Variants in MAMDC4 observed in about 807,000 individuals in gnomAD.
MAMDC4 encodes the protein MAM domain containing 4.
A neutral mutation model predicts 153.3 loss-of-function variants in MAMDC4; 168 were observed. The ratio of observed to expected loss-of-function variants is 1.10; its 90% CI spans 0.97 to 1.25. The LOEUF is 1.25. Ranked by LOEUF, MAMDC4 falls within the 50% of genes most tolerant of loss-of-function variation. MAMDC4 has a pLI of 0.00. For synonymous variants in MAMDC4, 744 were observed against 651.5 expected (o/e 1.14, Z -2.16); for missense variants, 1,701 against 1,542.8 (o/e 1.10, Z -1.72).
intron 26 of MAMDC4, 52 bp downstream of exon 26, chr9:136,860,116 G>T (rs757654512): frequency 2.7e-6 from 4 of 1,486,372 alleles, no homozygotes; most frequent in African/African-American, 1.4e-5. Context: ...CAGCTGTGAC[G>T]CTGGAGGGCG....
chr9:136,854,079 A>G lies in MAMDC4; in HGVS notation c.670+3A>G, dbSNP rs202108871. The G allele has an allele frequency of 1.0e-3, 1,618 of 1,612,524 alleles. 11 individuals are homozygous for G. Among genetic ancestry groups the G allele is most frequent in the East Asian group, 6.7e-4 (30 of 44,878 alleles). ...GTTCTGGGACTGTGGTCTGCCCAGTAAGGCACCGCCTCTTCCTGTTCCACC... is the reference window on the plus strand; with the variant it reads ...GTTCTGGGACTGTGGTCTGCCCAGTGAGGCACCGCCTCTTCCTGTTCCACC... On this transcript the variant is annotated splice_donor_region_variant and intron_variant, in intron 6 of 26. Coordinates refer to ENST00000317446, the MANE Select transcript of MAMDC4 (RefSeq NM_206920.3).
chr9:136,860,536 A>G (rs778795419), intron 26 of MAMDC4, 26 bp from the exon 27 acceptor site: 244 of 1,605,578 alleles, frequency 1.5e-4, no homozygotes, highest in Non-Finnish European at 2.0e-4. Context: ...AAGAAAGAAA[A>G]AAAAAGCTCC....
intron 14 of MAMDC4, chr9:136,856,420 G>A (rs766429192): frequency 3.8e-5 from 30 of 791,094 alleles, no homozygotes; most frequent in Non-Finnish European, 6.0e-5. Context: ...CCGCTGGAGC[G>A]GGCCCTGACT....
rs746920351 is a variant in MAMDC4, at chr9:136,853,858, G to A, written c.536G>A (p.Gly179Asp). The change falls in exon 5 of 27, where the codon GGC becomes GAC. Residue 179 changes from glycine (G) to aspartate (D), a missense_variant. Coordinates refer to ENST00000317446, the MANE Select transcript of MAMDC4 (RefSeq NM_206920.3). Reference protein sequence around the residue: ...LWQSTGPWGPGWQELAVTTGR... With the variant: ...LWQSTGPWGPDWQELAVTTGR... ...CAGAGCACAGGGCCCTGGGGCCCTGGCTGGCAGGAGTTGGCAGTGACCACA... is the reference window on the plus strand; with the variant it reads ...CAGAGCACAGGGCCCTGGGGCCCTGACTGGCAGGAGTTGGCAGTGACCACA... 1 of 1,612,600 alleles carries A rather than the reference G, an allele frequency of 6.2e-7. No individual in the cohort carries two copies. The highest frequency in any genetic ancestry group is 1.7e-5 in the Admixed American group (1 of 60,000).
Position 136,856,797 on chromosome 9 carries a change from G to A in MAMDC4, c.1808G>A (p.Gly603Asp), listed in dbSNP as rs763688921. The A allele has an allele frequency of 5.0e-6, 8 of 1,611,774 alleles. No homozygotes were observed. The highest frequency in any genetic ancestry group is 1.7e-4 in the Middle Eastern group (1 of 6,056). The change falls in exon 15 of 27, where the codon GGC (glycine) becomes GAC (aspartate). Residue 603 changes from glycine to aspartate, a missense_variant. Gly to Asp is a moderately conservative substitution (Grantham distance 94). Coordinates refer to ENST00000317446, the MANE Select transcript of MAMDC4 (RefSeq NM_206920.3). The part of the protein sequence containing the change: ...DTHWRWVESR[G>D]PDHDHTTGQG... The stretch of plus-strand genomic sequence containing the variant: ...CACTGGCGCTGGGTGGAGAGCCGCG[G>A]CCCTGACCACGACCACACCACAGGC...
chr9:136,860,443 C>T, intron 26 of MAMDC4, 119 bp from the exon 27 acceptor site: 2 of 1,087,290 alleles, frequency 1.8e-6, no homozygotes. Context: ...ATCGCTTGAA[C>T]CAGGGAGGCA....
rs910402051 is a variant in MAMDC4 at position 136,853,601 on chromosome 9, C to G, written c.385C>G (p.Arg129Gly). Residue 129 changes from arginine to glycine, a missense_variant, in exon 4 of 27, where the codon CGC (arginine) becomes GGC (glycine). Coordinates refer to ENST00000317446, the MANE Select transcript of MAMDC4 (RefSeq NM_206920.3). The stretch of plus-strand genomic sequence containing the variant: ...GAAAGAGGCATCCACCGCAGCCCTG[C>G]GCTCGCCAACCCTGCGAGAGGCAGC... ...RGKEASTAAL[R>G]SPTLREAASS... 1 of 1,612,482 alleles carries G rather than the reference C, an allele frequency of 6.2e-7. No individual in the cohort carries two copies. Among genetic ancestry groups the G allele is most frequent in the African/African-American group, 1.3e-5 (1 of 75,022 alleles).
Position 136,855,499 on chromosome 9 carries a change from T to G in MAMDC4, c.1351T>G (p.Ser451Ala). The G allele has an allele frequency of 6.3e-7, 1 of 1,597,184 alleles. No individual in the cohort carries two copies. Among genetic ancestry groups the G allele is most frequent in the Non-Finnish European group, 8.5e-7 (1 of 1,172,430 alleles). The change falls in exon 12 of 27, where the codon TCG (serine) becomes GCG (alanine). Residue 451 changes from serine (S) to alanine (A), a missense_variant. Ser to Ala is a moderately conservative substitution (Grantham distance 99). Transcript: ENST00000317446. ...AGCCCCCCAGCCCCTGCCGCCCAGC[T>G]CGCGGCTCCAGGATTCCTGCAAGCA... ...APAPQPLPPSSRLQDSCKQGH... is the reference protein window; with the variant it reads ...APAPQPLPPSARLQDSCKQGH...
rs370858940 is a variant in MAMDC4 at position 136,855,266 on chromosome 9, G to A, written c.1210G>A (p.Gly404Arg). Residue 404 changes from glycine (G) to arginine (R), a missense_variant, in exon 11 of 27, where the codon GGG becomes AGG. Physicochemically the swap from Gly to Arg is moderately radical, Grantham distance 125. Coordinates refer to ENST00000317446, the MANE Select transcript of MAMDC4 (RefSeq NM_206920.3). ...CCTCTGCCCTCAGATCCTCCTGGCC[G>A]GGCAGACAGGCCCGGGGGGCGTCGT... Reference protein sequence around the residue: ...SAYPFQILLAGQTGPGGVVGL... With the variant: ...SAYPFQILLARQTGPGGVVGL... The A allele has an allele frequency of 5.6e-5, 89 of 1,597,514 alleles. No homozygotes were observed. Among genetic ancestry groups the A allele is most frequent in the East Asian group, 2.2e-4 (10 of 44,758 alleles).
chr9:136,855,972 G>C, intron 13 of MAMDC4, 46 bp from the exon 14 acceptor site: 2 of 1,579,906 alleles, frequency 1.3e-6, no homozygotes, highest in Non-Finnish European at 1.7e-6. Context: ...GGACAGAGTG[G>C]GGCCCTGGAA....
intron 1 of MAMDC4, among the ~76,000 whole-genome samples, 184 bp from the exon 2 acceptor site, chr9:136,852,918 G>A (rs930918704): frequency 1.3e-5 from 2 of 152,224 alleles, no homozygotes; most frequent in Non-Finnish European, 2.9e-5. Flanking sequence ...ACAGGAACGT[G>A]CTGTGCTTGG....
At position 136,854,520 on chromosome 9, in the gene MAMDC4, C is replaced by A; in HGVS notation, c.797-19C>A. On this transcript the variant is annotated intron_variant, in intron 7 of 26. Coordinates refer to ENST00000317446, the MANE Select transcript of MAMDC4 (RefSeq NM_206920.3). ...GAAGCACTGCCTGGTGGCCCTGACACGCCCACCTCCTGCCCTAGGCCGCCA... is the reference window on the plus strand; with the variant it reads ...GAAGCACTGCCTGGTGGCCCTGACAAGCCCACCTCCTGCCCTAGGCCGCCA... 1.3e-6 allele frequency: 2 copies of A among 1,594,586 alleles called. No homozygotes were observed. The highest frequency in any genetic ancestry group is 1.1e-5 in the South Asian group (1 of 88,834).
Position 136,856,973 on chromosome 9 carries a change from G to A in MAMDC4, c.1904G>A (p.Arg635Lys). Residue 635 changes from arginine (R) to lysine (K), a missense_variant, in exon 16 of 27, where the codon AGG becomes AAG. Arg to Lys is a conservative substitution (Grantham distance 26). Coordinates refer to ENST00000317446, the MANE Select transcript of MAMDC4 (RefSeq NM_206920.3). ...AWGHSAHLLS[R>K]PQVPAAPTEC... ...GGCCACAGTGCCCACCTGCTCTCCAGGCCCCAGGTGCCAGCAGCACCCACG... is the reference window on the plus strand; with the variant it reads ...GGCCACAGTGCCCACCTGCTCTCCAAGCCCCAGGTGCCAGCAGCACCCACG... 1.2e-6 allele frequency: 2 copies of A among 1,612,454 alleles called. No homozygotes were observed. Among genetic ancestry groups the A allele is most frequent in the Admixed American group, 1.7e-5 (1 of 59,976 alleles).
At chr9:136,859,765 T>G (rs1849059082) in intron 25 of MAMDC4, 121 bp from the exon 26 acceptor site, 2 of 1,034,192 alleles carry the variant, frequency 1.9e-6, no homozygotes, top group Non-Finnish European at 2.8e-6. Context: ...CCTCTGCCTT[T>G]GAAATAGGGG....
rs1849011423 is a variant in MAMDC4, at chr9:136,856,786, G to A, written c.1797G>A (p.Val599=). 2 of 1,611,432 alleles carry A rather than the reference G, an allele frequency of 1.2e-6. No individual in the cohort carries two copies. Among genetic ancestry groups the A allele is most frequent in the Non-Finnish European group, 1.7e-6 (2 of 1,179,406 alleles). ...TCTCAGACACACACTGGCGCTGGGT[G>A]GAGAGCCGCGGCCCTGACCACGACC... The part of the protein sequence containing the change: ...GHLSDTHWRW[V]ESRGPDHDHT... Residue 599 remains valine (V), a synonymous_variant, in exon 15 of 27, where the codon GTG becomes GTA. Coordinates refer to ENST00000317446, the MANE Select transcript of MAMDC4 (RefSeq NM_206920.3).
chr9:136,858,474 G>C lies in MAMDC4; in HGVS notation c.2749G>C (p.Asp917His), dbSNP rs1849040308. 1 of 1,609,088 alleles carries C rather than the reference G, an allele frequency of 6.2e-7. No individual in the cohort carries two copies. The highest frequency in any genetic ancestry group is 8.5e-7 in the Non-Finnish European group (1 of 1,179,506). The change falls in exon 22 of 27, where the codon GAC becomes CAC. Residue 917 changes from aspartate (D) to histidine (H), a missense_variant. Transcript: ENST00000317446. ...AWPGLGGYSW[D>H]WGGGATPSRY... Reference sequence around the variant, plus strand: ...GCCCGGCCTGGGCGGATACAGCTGGGACTGGGGCGGGGGAGCCACCCCCTC... The same window carrying C: ...GCCCGGCCTGGGCGGATACAGCTGGCACTGGGGCGGGGGAGCCACCCCCTC...
chr9:136,856,733 G>A lies in MAMDC4; in HGVS notation c.1744G>A (p.Asp582Asn). 6.2e-7 allele frequency: 1 copy of A among 1,612,654 alleles called. No homozygotes were observed. The change falls in exon 15 of 27, where the codon GAC becomes AAC. Residue 582 changes from aspartate (D) to asparagine (N), a missense_variant. By Grantham distance (23) the Asp-to-Asn change is conservative. Coordinates refer to ENST00000317446, the MANE Select transcript of MAMDC4 (RefSeq NM_206920.3). ...PREVSCNFER[D>N]TCSWYPGHLS... The stretch of plus-strand genomic sequence containing the variant: ...AGAGGTCTCCTGTAACTTTGAGCGG[G>A]ACACATGCAGCTGGTACCCAGGCCA...
chr9:136,856,209 G>A, intron 14 of MAMDC4, 60 bp downstream of exon 14: 2 of 1,611,426 alleles, frequency 1.2e-6, no homozygotes, highest in Non-Finnish European at 1.7e-6. Context: ...CACAGTGGGA[G>A]GGGTCTGGGG....
At position 136,857,163 on chromosome 9, in the gene MAMDC4, A is replaced by T. The variant is rs748641352; in HGVS notation, c.1973-2A>T. Reference sequence around the variant, plus strand: ...AGTTATGGACTGGTCCCCTCCCTGCAGGGACTCTGCGCCTAGCCATGAGAC... The same window carrying T: ...AGTTATGGACTGGTCCCCTCCCTGCTGGGACTCTGCGCCTAGCCATGAGAC... On this transcript the variant is annotated splice_acceptor_variant, in intron 16 of 26. Transcript: ENST00000317446. LOFTEE classifies it high-confidence loss of function. The T allele has an allele frequency of 1.9e-6, 3 of 1,612,410 alleles. No homozygotes were observed. Among genetic ancestry groups the T allele is most frequent in the Admixed American group, 3.3e-5 (2 of 59,956 alleles).
Sources: allele counts gnomAD v4.1 joint callset (sites outside exome capture counted in the v4.1 genomes callset), GRCh38; gene constraint gnomAD v4.1.1; transcripts MANE v1.5; gene names NCBI Gene and HGNC (gene_info 2026-07-23, HGNC 2026-07-21).